Variants in KHDRBS2 observed in about 807,000 individuals in gnomAD.
KHDRBS2 encodes the protein KH domain-containing, RNA-binding, signal transduction-associated protein 2.
KHDRBS2 carries 26 observed loss-of-function variants against 44.3 expected under a neutral mutation model. That is an observed-to-expected ratio of 0.59 (90% CI 0.43 to 0.81). The LOEUF (loss-of-function observed/expected upper bound fraction) is 0.81. Among genes scored for constraint, KHDRBS2 ranks in the 40% least tolerant of loss-of-function variants. The probability of loss-of-function intolerance (pLI) is 0.00; values close to 1 mark genes in which losing one functional copy is unlikely to be tolerated. For synonymous variants in KHDRBS2, 194 were observed against 151.1 expected (o/e 1.28, Z -2.08); for missense variants, 476 against 433.1 (o/e 1.10, Z -0.88).
At chr6:61,993,608 G>A (rs547114273) in intron 3 of KHDRBS2, among the ~76,000 whole-genome samples, 1 of 139,304 alleles carries the variant, frequency 7.2e-6, no homozygotes, top group African/African-American at 2.6e-5. Flanking sequence ...ATCATGGACA[G>A]GAGGGCTACA....
intron 5 of KHDRBS2, among the ~76,000 whole-genome samples, chr6:61,897,674 A>G (rs1687203996): frequency 6.6e-6 from 1 of 151,522 alleles, no homozygotes; most frequent in Non-Finnish European, 1.5e-5. Flanking sequence ...TTGTTTTCTC[A>G]TTGGCTCCCC....
chr6:62,211,685 G>T (rs1280546699), intron 1 of KHDRBS2, among the ~76,000 whole-genome samples: 2 of 152,064 alleles, frequency 1.3e-5, no homozygotes, highest in Non-Finnish European at 2.9e-5. Flanking sequence ...TGGAAGAAAA[G>T]GAACTCTTAT....
chr6:62,079,663 G>T (rs1317394262), intron 2 of KHDRBS2, among the ~76,000 whole-genome samples: 1 of 151,998 alleles, frequency 6.6e-6, no homozygotes, highest in Non-Finnish European at 1.5e-5. Context: ...TTAATCCCAT[G>T]AAACTTTGAA....
At chr6:61,619,745 C>T in the KHDRBS2 span, among the ~76,000 whole-genome samples, 931 of 152,206 alleles carry the variant, frequency 6.1e-3, 5 homozygotes, top group Middle Eastern at 0.01. Flanking sequence ...TGAGTCACTG[C>T]GTCTGGCCTA....
At chr6:61,792,894 T>C (rs1219072969) in intron 6 of KHDRBS2, among the ~76,000 whole-genome samples, 4 of 151,904 alleles carry the variant, frequency 2.6e-5, no homozygotes, top group Admixed American at 1.3e-4. Flanking sequence ...GTGGCTTGTG[T>C]GTACCTGTGT....
chr6:61,854,690 A>C (rs1476971394), intron 6 of KHDRBS2, among the ~76,000 whole-genome samples: 3 of 152,162 alleles, frequency 2.0e-5, no homozygotes, highest in African/African-American at 7.2e-5. Flanking sequence ...TGAAACACCA[A>C]AGTTATTTAC....
intron 3 of KHDRBS2, among the ~76,000 whole-genome samples, chr6:62,034,462 A>T (rs935368660): frequency 6.6e-6 from 1 of 151,830 alleles, no homozygotes; most frequent in African/African-American, 2.4e-5. Context: ...CATTAAAAAG[A>T]TCATTCATCA....
At chr6:62,112,203 C>G (rs191410292) in intron 2 of KHDRBS2, among the ~76,000 whole-genome samples, 1 of 152,180 alleles carries the variant, frequency 6.6e-6, no homozygotes, top group East Asian at 1.9e-4. Flanking sequence ...AAATGTGAAA[C>G]TCTATAGTTA....
chr6:62,037,763 T>G (rs1785603881), intron 3 of KHDRBS2, among the ~76,000 whole-genome samples: 3 of 151,930 alleles, frequency 2.0e-5, no homozygotes, highest in Admixed American at 6.6e-5. Context: ...GGATTCCTTA[T>G]CTGGAAAAAG....
the KHDRBS2 span, among the ~76,000 whole-genome samples, chr6:61,546,041 G>C: frequency 6.6e-6 from 1 of 151,958 alleles, no homozygotes; most frequent in Non-Finnish European, 1.5e-5. Flanking sequence ...AGCCCAAGCT[G>C]ACTAATACAG....
intron 6 of KHDRBS2, among the ~76,000 whole-genome samples, chr6:61,744,689 G>C (rs886929321): frequency 6.6e-6 from 1 of 151,962 alleles, no homozygotes; most frequent in African/African-American, 2.4e-5. Context: ...CTTTACTTTT[G>C]TCTCTTCAGC....
Position 61,732,718 on chromosome 6 carries a change from T to C in KHDRBS2, c.857A>G (p.Glu286Gly). 6.2e-7 allele frequency: 1 copy of C among 1,612,438 alleles called. No homozygotes were observed. The highest frequency in any genetic ancestry group is 8.5e-7 in the Non-Finnish European group (1 of 1,178,570). Reference sequence around the variant, plus strand: ...GGTCGCATAGCTGTTATCATAAGTCTCATAGGTCTGGTCATCATATTCACC... The same window carrying C: ...GGTCGCATAGCTGTTATCATAAGTCCCATAGGTCTGGTCATCATATTCACC... ...YGGEYDDQTY[E>G]TYDNSYATQT... Residue 286 changes from glutamate (E) to glycine (G), a missense_variant, in exon 7 of 9, where the codon GAG becomes GGG. Glu to Gly is a moderately conservative substitution (Grantham distance 98). Coordinates refer to ENST00000281156, the MANE Select transcript of KHDRBS2 (RefSeq NM_152688.4).
chr6:62,163,483 T>G (rs911859448), intron 2 of KHDRBS2, among the ~76,000 whole-genome samples: 6 of 152,048 alleles, frequency 3.9e-5, no homozygotes, highest in Non-Finnish European at 7.4e-5. Context: ...AAATGATTCC[T>G]AAATTGGGTA....
At chr6:62,197,012 A>T (rs1363085184) in intron 1 of KHDRBS2, among the ~76,000 whole-genome samples, 1 of 152,116 alleles carries the variant, frequency 6.6e-6, no homozygotes, top group Non-Finnish European at 1.5e-5. Flanking sequence ...CAGTATAAAA[A>T]TCACAGTGTA....
At chr6:61,644,497 A>T in the KHDRBS2 span, among the ~76,000 whole-genome samples, 1 of 152,210 alleles carries the variant, frequency 6.6e-6, no homozygotes, top group African/African-American at 2.4e-5. Flanking sequence ...AGCAAAAGAA[A>T]CTATCAACAG....
At chr6:61,818,518 G>A (rs114705504) in intron 6 of KHDRBS2, among the ~76,000 whole-genome samples, 2,611 of 151,998 alleles carry the variant, frequency 0.017, 35 homozygotes, top group Middle Eastern at 0.048. Flanking sequence ...TCTTCATACT[G>A]GGTCTGGGCT....
At chr6:61,602,928 T>C in the KHDRBS2 span, among the ~76,000 whole-genome samples, 1 of 152,118 alleles carries the variant, frequency 6.6e-6, no homozygotes, top group Non-Finnish European at 1.5e-5. Context: ...CCACACGTCA[T>C]TGCCACCTTT....
chr6:61,917,538 CTA>C (rs1020953168), intron 4 of KHDRBS2, among the ~76,000 whole-genome samples: 19 of 151,956 alleles, frequency 1.3e-4, no homozygotes, highest in African/African-American at 4.1e-4. Flanking sequence ...GGTAATGAAA[CTA>C]TTCTATATGA....
intron 4 of KHDRBS2, among the ~76,000 whole-genome samples, chr6:61,939,999 G>A (rs1302784684): frequency 4.6e-5 from 7 of 151,960 alleles, no homozygotes; most frequent in Admixed American, 3.9e-4. Context: ...AGCCATAAAT[G>A]ATGCTGCTCA....
Sources: allele counts gnomAD v4.1 joint callset (sites outside exome capture counted in the v4.1 genomes callset), GRCh38; gene constraint gnomAD v4.1.1; transcripts MANE v1.5; gene names NCBI Gene and HGNC (gene_info 2026-07-23, HGNC 2026-07-21).